Variants in DNAH6 observed in about 807,000 individuals in gnomAD.
The protein encoded by DNAH6 is dynein axonemal heavy chain 6, also known as axonemal beta dynein heavy chain 6.
In DNAH6, 340 loss-of-function variants were observed where a neutral mutation model predicts 491.4. The ratio of observed to expected loss-of-function variants is 0.69; its 90% CI spans 0.63 to 0.76. The LOEUF (loss-of-function observed/expected upper bound fraction) is 0.76. DNAH6 is among the 30% of genes least tolerant of loss of function. DNAH6 has a pLI of 0.00. For missense variants in DNAH6, 4,443 were observed against 4,972.2 expected (o/e 0.89, Z 3.20); for synonymous variants, 1,603 against 1,686.1 (o/e 0.95, Z 1.21).
chr2:84,732,996 T>C (rs1257826227), intron 61 of DNAH6, among the ~76,000 whole-genome samples: 1 of 152,230 alleles, frequency 6.6e-6, no homozygotes, highest in Non-Finnish European at 1.5e-5. Context: ...GACAAACTCT[T>C]ACCACAGCTA....
At chr2:84,461,342 C>T in the DNAH6 span, among the ~76,000 whole-genome samples, 12 of 152,276 alleles carry the variant, frequency 7.9e-5, no homozygotes, top group Admixed American at 7.2e-4. Flanking sequence ...TCTCTTCCTC[C>T]CCAGTTCATC....
intron 61 of DNAH6, among the ~76,000 whole-genome samples, chr2:84,732,337 A>T (rs937739641): frequency 1.3e-5 from 2 of 152,182 alleles, no homozygotes; most frequent in Non-Finnish European, 2.9e-5. Context: ...CTGGACACAA[A>T]TATTCATAAC....
At chr2:84,668,158 G>T (rs907546665) in intron 37 of DNAH6, among the ~76,000 whole-genome samples, 2 of 152,176 alleles carry the variant, frequency 1.3e-5, no homozygotes, top group Non-Finnish European at 2.9e-5. Flanking sequence ...GTTAACAGGT[G>T]CAGGGCACCA....
intron 4 of DNAH6, among the ~76,000 whole-genome samples, chr2:84,532,967 A>G (rs1229766024): frequency 6.6e-6 from 1 of 152,186 alleles, no homozygotes; most frequent in Non-Finnish European, 1.5e-5. Flanking sequence ...CAATGCAGAT[A>G]TCAGTGTTTG....
rs546051280 is a variant in DNAH6, at chr2:84,566,030, CT to C, written c.1804-7435del. Among the ~76,000 whole-genome samples, 8 of 152,032 alleles carry C rather than the reference CT, an allele frequency of 5.3e-5. 1 individual carries two copies. In the East Asian group the frequency reaches 1.5e-3, roughly 29 times the overall value. On this transcript the variant is annotated intron_variant, in intron 11 of 76. Coordinates refer to ENST00000389394, the MANE Select transcript of DNAH6 (RefSeq NM_001370.2). The stretch of plus-strand genomic sequence containing the variant: ...TCTTGAAGACAGCAAATGGTTGAGT[CT>C]TGTCTTTTTATCCAGCTATCCTCTC...
At chr2:84,673,229 C>G (rs908474435) in intron 40 of DNAH6, among the ~76,000 whole-genome samples, 2 of 151,862 alleles carry the variant, frequency 1.3e-5, no homozygotes, top group African/African-American at 4.8e-5. Flanking sequence ...AGCACCAAAC[C>G]AACAGGAGAG....
At chr2:84,816,978 G>A (rs145187449) in intron 76 of DNAH6, among the ~76,000 whole-genome samples, 2,095 of 152,206 alleles carry the variant, frequency 0.014, 21 homozygotes, top group Middle Eastern at 0.024. Flanking sequence ...TTGTTTTCTA[G>A]GTAACCTGAA....
At chr2:84,488,419 TA>T in the DNAH6 span, among the ~76,000 whole-genome samples, 486 of 151,582 alleles carry the variant, frequency 3.2e-3, 1 homozygote, top group African/African-American at 0.01. Flanking sequence ...TTAAAAAAAT[TA>T]AAAAAAAGAA....
At chr2:84,572,356 G>T (rs1257367395) in intron 11 of DNAH6, among the ~76,000 whole-genome samples, 2 of 152,120 alleles carry the variant, frequency 1.3e-5, no homozygotes, top group African/African-American at 4.8e-5. Flanking sequence ...ATCATACATT[G>T]TTTCAAAATA....
chr2:84,604,415 C>CCA lies in DNAH6; in HGVS notation c.2947_2948dup (p.Val985Ter). On this transcript the variant is annotated frameshift_variant, in exon 19 of 77. Coordinates refer to ENST00000389394, the MANE Select transcript of DNAH6 (RefSeq NM_001370.2). LOFTEE classifies it high-confidence loss of function. ...GCAGCTATTGAACAAACAGTTGATG[C>CCA]CACTCTAGTGGATGCTGAAATTCCA... 1 of 1,552,122 alleles carries CCA rather than the reference C, an allele frequency of 6.4e-7. No individual in the cohort carries two copies. Among genetic ancestry groups the CCA allele is most frequent in the Non-Finnish European group, 8.7e-7 (1 of 1,147,032 alleles).
chr2:84,662,318 G>T (rs972227553), intron 37 of DNAH6, among the ~76,000 whole-genome samples: 7 of 152,190 alleles, frequency 4.6e-5, no homozygotes, highest in Admixed American at 2.0e-4. Context: ...ACCTCACCCA[G>T]GAAGCACAAG....
intron 11 of DNAH6, among the ~76,000 whole-genome samples, chr2:84,563,702 G>A (rs1200982863): frequency 2.6e-5 from 4 of 152,042 alleles, no homozygotes; most frequent in African/African-American, 9.7e-5. Flanking sequence ...GTTTAATTTG[G>A]TGCCACTTGT....
intron 59 of DNAH6, among the ~76,000 whole-genome samples, chr2:84,720,030 G>A (rs897472597): frequency 2.0e-5 from 3 of 151,986 alleles, no homozygotes; most frequent in Non-Finnish European, 4.4e-5. Context: ...TTTGGGGTCT[G>A]AGAGGAGAAG....
chr2:84,496,639 A>G, the DNAH6 span, among the ~76,000 whole-genome samples: 3 of 152,200 alleles, frequency 2.0e-5, no homozygotes, highest in South Asian at 6.2e-4. Context: ...GGAAATCTGT[A>G]TGTTTAGAAA....
At chr2:84,792,361 G>T (rs1677842749) in intron 68 of DNAH6, among the ~76,000 whole-genome samples, 1 of 152,190 alleles carries the variant, frequency 6.6e-6, no homozygotes, top group Non-Finnish European at 1.5e-5. Context: ...TTTATCAAGA[G>T]AGTAGATTTC....
In DNAH6 at chr2:84,781,553, T is replaced by G. The variant is rs1158250795; in HGVS notation, c.10764T>G (p.Asp3588Glu). 2 of 1,551,680 alleles carry G rather than the reference T, an allele frequency of 1.3e-6. No individual in the cohort carries two copies. The highest frequency in any genetic ancestry group is 2.0e-5 in the Admixed American group (1 of 51,004). The change falls in exon 65 of 77, where the codon GAT becomes GAG. Residue 3588 changes from aspartate to glutamate, a missense_variant. Physicochemically the swap from Asp to Glu is conservative, Grantham distance 45. Transcript: ENST00000389394. ...CTATTGCTGAAAAAATGGTCAAGGA[T>G]GCAATGAAATCAGGAAACTGGGTAT... ...QGPIAEKMVK[D>E]AMKSGNWVFL...
chr2:84,796,786 C>CAGGAGT, intron 69 of DNAH6, among the ~76,000 whole-genome samples: 1 of 152,150 alleles, frequency 6.6e-6, no homozygotes, highest in East Asian at 1.9e-4. Context: ...CACTTGAGCT[C>CAGGAGT]AGGAGTTCAA....
intron 33 of DNAH6, 93 bp from the exon 34 acceptor site, chr2:84,653,226 C>T (rs1690621269): frequency 2.8e-6 from 3 of 1,075,130 alleles, no homozygotes; most frequent in African/African-American, 3.2e-5. Flanking sequence ...CAATGAGAAA[C>T]AATAAGACTC....
At chr2:84,570,143 C>T (rs1681628554) in intron 11 of DNAH6, among the ~76,000 whole-genome samples, 1 of 151,814 alleles carries the variant, frequency 6.6e-6, no homozygotes, top group Admixed American at 6.6e-5. Context: ...CAATATGAGC[C>T]TAGAGAATAT....
Sources: gnomAD v4.1 joint callset for allele counts (sites outside exome capture counted in the v4.1 genomes callset) on GRCh38, gnomAD v4.1.1 for gene constraint, MANE v1.5 for transcripts, NCBI Gene and HGNC (gene_info 2026-07-23, HGNC 2026-07-21) for gene names.